Variants in PSG11 observed in about 807,000 individuals in gnomAD.
PSG11 encodes pregnancy-specific beta-1-glycoprotein 11.
In PSG11, 42 loss-of-function variants were observed where a neutral mutation model predicts 36.0. That is an observed-to-expected ratio of 1.17 (90% CI 0.91 to 1.51). The LOEUF (loss-of-function observed/expected upper bound fraction) is 1.51, where lower values mean the gene tolerates loss of function less well. Among genes scored for constraint, PSG11 ranks in the 40% most tolerant of loss-of-function variants. The probability of loss-of-function intolerance (pLI) is 0.00; values close to 1 mark genes in which losing one functional copy is unlikely to be tolerated. For synonymous variants in PSG11, 206 were observed against 153.5 expected (o/e 1.34, Z -2.53); for missense variants, 558 against 403.5 (o/e 1.38, Z -3.28).
rs200880681 is a variant in PSG11 at position 43,015,078 on chromosome 19, C to A, written c.964+38G>T. The A allele has an allele frequency of 2.1e-5, 34 of 1,610,950 alleles. 1 individual carries two copies. Among genetic ancestry groups the A allele is most frequent in the Non-Finnish European group, 2.5e-5 (30 of 1,178,124 alleles). ...TCTCTGAAAGCTAGATAGACTCCAC[C>A]TAAAACCCTATTGCCAAGGATGCTG... On this transcript the variant is annotated intron_variant, in intron 4 of 5. Transcript: ENST00000320078.
intron 3 of PSG11, chr19:43,015,744 G>T (rs1966947733): frequency 6.2e-7 from 1 of 1,608,450 alleles, no homozygotes; most frequent in Admixed American, 1.7e-5. Context: ...TGGTGTCCTG[G>T]CCCACAGAGG....
chr19:43,009,128 T>C (rs1281498471), intron 5 of PSG11, among the ~76,000 whole-genome samples: 2 of 151,304 alleles, frequency 1.3e-5, no homozygotes. Flanking sequence ...TCTCCTGGGG[T>C]GGGGCCCTTG....
intron 5 of PSG11, among the ~76,000 whole-genome samples, chr19:43,008,703 T>A (rs1318716317): frequency 6.6e-6 from 1 of 151,416 alleles, no homozygotes; most frequent in Non-Finnish European, 1.5e-5. Context: ...TCCATTCAGC[T>A]TCTGTTTCTC....
intron 2 of PSG11, among the ~76,000 whole-genome samples, chr19:43,023,518 G>T (rs115100288): frequency 6.6e-6 from 1 of 151,168 alleles, no homozygotes; most frequent in Non-Finnish European, 1.5e-5. Flanking sequence ...CACTGACTTT[G>T]ATGGTTGAAG....
At chr19:43,018,187 C>T (rs142012351) in intron 3 of PSG11, among the ~76,000 whole-genome samples, 3,438 of 151,166 alleles carry the variant, frequency 0.023, 246 homozygotes, top group African/African-American at 0.08. Flanking sequence ...CAGACATAGA[C>T]CCCTCTATAT....
Position 43,026,452 on chromosome 19 carries a change from G to C in PSG11, c.-80C>G. On this transcript the variant is annotated 5_prime_UTR_variant, in exon 1 of 6. Transcript: ENST00000320078. ...CTTCCAGAGCACGGCTGTCAGCTGT[G>C]CTGTCCTTCCTCCTTCTGCGCTGAG... 1 of 1,559,276 alleles carries C rather than the reference G, an allele frequency of 6.4e-7. No individual in the cohort carries two copies. The highest frequency in any genetic ancestry group is 8.7e-7 in the Non-Finnish European group (1 of 1,144,824).
chr19:43,022,401 C>T (rs1441530117), intron 2 of PSG11, among the ~76,000 whole-genome samples: 1 of 151,182 alleles, frequency 6.6e-6, no homozygotes, highest in African/African-American at 2.4e-5. Context: ...GATCATTTCC[C>T]TCCGCCCGCA....
At chr19:43,025,157 GA>G (rs925428200) in intron 1 of PSG11, 101 bp from the exon 2 acceptor site, 2 of 1,365,186 alleles carry the variant, frequency 1.5e-6, no homozygotes, top group African/African-American at 4.2e-5. Context: ...CCTCAGCCTT[GA>G]AGACACACAC....
chr19:43,015,429 G>T, intron 3 of PSG11, 59 bp from the exon 4 acceptor site: 4 of 1,543,642 alleles, frequency 2.6e-6, no homozygotes, highest in Non-Finnish European at 3.5e-6. Flanking sequence ...GAAGCTCCTT[G>T]TCTCTTAAAG....
chr19:43,026,011 A>G (rs1216970221), intron 1 of PSG11, among the ~76,000 whole-genome samples: 1 of 127,514 alleles, frequency 7.8e-6, no homozygotes, highest in Non-Finnish European at 1.6e-5. Context: ...GCACTATCTC[A>G]GCTCACTGCA....
rs1966959179 is a variant in PSG11 at position 43,016,101 on chromosome 19, G to A, written c.710-731C>T. On this transcript the variant is annotated intron_variant, in intron 3 of 5. Coordinates refer to ENST00000320078, the MANE Select transcript of PSG11 (RefSeq NM_002785.3). The stretch of plus-strand genomic sequence containing the variant: ...GTGTGGCACCTTTGATTCCTCCACA[G>A]GCATCCTTCAATCAGAGTTGGCATC... 1.0e-5 allele frequency: 16 copies of A among 1,554,280 alleles called. 1 individual carries two copies. The highest frequency in any genetic ancestry group is 1.8e-5 in the Admixed American group (1 of 54,720).
intron 2 of PSG11, among the ~76,000 whole-genome samples, chr19:43,023,317 T>C (rs1967149811): frequency 1.3e-5 from 2 of 150,730 alleles, no homozygotes; most frequent in African/African-American, 2.5e-5. Flanking sequence ...TTCCTTCATT[T>C]GTTATGTGAG....
chr19:43,007,913 T>G lies in PSG11; in HGVS notation c.*170A>C. 1 of 390,810 alleles carries G rather than the reference T, an allele frequency of 2.6e-6. No homozygotes were observed. Among genetic ancestry groups the G allele is most frequent in the Non-Finnish European group, 4.8e-6 (1 of 209,796 alleles). The allele number at this position is 390,810 out of a possible 1,614,324, so 24.2% of individuals were successfully genotyped here. ...AATGAAATGGAGTTCTTTTCTTCTT[T>G]GTCTTGAATTTCATGAAGGTATCAG... On this transcript the variant is annotated 3_prime_UTR_variant, in exon 6 of 6. Transcript: ENST00000320078.
chr19:43,013,917 C>A (rs1015845684), intron 4 of PSG11, among the ~76,000 whole-genome samples: 1 of 151,406 alleles, frequency 6.6e-6, no homozygotes, highest in Non-Finnish European at 1.5e-5. Context: ...TGTATCTATA[C>A]ATTGAAATGT....
intron 5 of PSG11, among the ~76,000 whole-genome samples, chr19:43,009,511 T>C (rs1027113508): frequency 6.6e-6 from 1 of 151,302 alleles, no homozygotes; most frequent in Non-Finnish European, 1.5e-5. Flanking sequence ...GGCTAGTGTA[T>C]ACCCCTGGAG....
intron 4 of PSG11, among the ~76,000 whole-genome samples, chr19:43,011,840 A>G (rs1274354229): frequency 2.0e-5 from 3 of 150,652 alleles, no homozygotes; most frequent in Admixed American, 6.6e-5. Context: ...GCAGTGAGCC[A>G]TAATCACACC....
intron 5 of PSG11, among the ~76,000 whole-genome samples, chr19:43,008,816 T>G (rs1482592156): frequency 1.3e-5 from 2 of 151,358 alleles, no homozygotes; most frequent in Non-Finnish European, 2.9e-5. Flanking sequence ...CCAGTACTTC[T>G]AGCTGAAAAT....
rs747362785 is a variant in PSG11 at position 43,018,235 on chromosome 19, A to T, written c.709+535T>A. On this transcript the variant is annotated intron_variant, in intron 3 of 5. Transcript: ENST00000320078. ...TGGGGTATGAAGAACACTTGTGCTGATTGCTGGAACTTCCCACCAATCAGC... is the reference window on the plus strand; with the variant it reads ...TGGGGTATGAAGAACACTTGTGCTGTTTGCTGGAACTTCCCACCAATCAGC... 3.3e-5 allele frequency: 6 copies of T among 180,128 alleles called. No individual in the cohort carries two copies. The East Asian group carries it at 5.6e-4, about 17-fold the overall frequency. The allele number at this position is 180,128 out of a possible 1,614,324, so 11.2% of individuals were successfully genotyped here. A position where few individuals can be genotyped will look rare whatever the true frequency, so the allele number is the denominator to read the frequency against.
Position 43,025,178 on chromosome 19 carries a change from C to G in PSG11, c.65-122G>C. ...CCTTGAAGACACACACACACACACA[C>G]ACACACATACAAACATACACACACA... On this transcript the variant is annotated intron_variant, in intron 1 of 5. Transcript: ENST00000320078. The G allele has an allele frequency of 5.1e-6, 7 of 1,384,920 alleles. No individual in the cohort carries two copies. The South Asian group carries it at 5.6e-5, about 11-fold the overall frequency. The allele number at this position is 1,384,920 out of a possible 1,614,324, so 85.8% of individuals were successfully genotyped here.
Sources: allele counts gnomAD v4.1 joint callset (sites outside exome capture counted in the v4.1 genomes callset), GRCh38; gene constraint gnomAD v4.1.1; transcripts MANE v1.5; gene names NCBI Gene and HGNC (gene_info 2026-07-23, HGNC 2026-07-21).